STAU2: variants seen among roughly 807,000 people sequenced by gnomAD.
STAU2 encodes the protein staufen double-stranded RNA binding protein 2, also known as double-stranded RNA-binding protein Staufen homolog 2.
STAU2 carries 20 observed loss-of-function variants against 65.9 expected under a neutral mutation model. The observed-to-expected ratio is 0.30, with a 90% CI of 0.21 to 0.44. The LOEUF (loss-of-function observed/expected upper bound fraction) is 0.44, where lower values mean the gene tolerates loss of function less well. Ranked by LOEUF, STAU2 falls within the 20% of genes least tolerant of loss-of-function variation. The pLI, the probability that STAU2 is intolerant of heterozygous loss-of-function variation, is 1.00. For missense variants in STAU2, 558 were observed against 683.9 expected, an observed-to-expected ratio of 0.82 and a Z score of 2.05; for synonymous variants, 232 against 233.9, an observed-to-expected ratio of 0.99 and a Z score of 0.07.
At position 73,493,061 on chromosome 8, in the gene STAU2, G is replaced by A. The variant is rs565557555; in HGVS notation, c.1530+58951C>T. On this transcript the variant is annotated intron_variant, in intron 13 of 14. Transcript: ENST00000524300. ...AAAAATGCCAAGGAAATCCATTTAT[G>A]TCAGAATAACTGAATATCCATGTGG... Among the ~76,000 whole-genome samples the A allele has an allele frequency of 5.9e-5, 9 of 151,980 alleles. No individual in the cohort carries two copies. The East Asian group carries it at 1.7e-3, about 29-fold the overall frequency.
intron 13 of STAU2, among the ~76,000 whole-genome samples, chr8:73,539,708 T>C (rs1412607316): frequency 6.6e-6 from 1 of 152,054 alleles, no homozygotes. Context: ...CCAGGTGTTA[T>C]GGTGGGTGCC....
intron 13 of STAU2, among the ~76,000 whole-genome samples, chr8:73,536,517 T>G (rs1486350569): frequency 6.6e-6 from 1 of 152,164 alleles, no homozygotes; most frequent in African/African-American, 2.4e-5. Flanking sequence ...AGCCTACACT[T>G]TCACCTTACC....
In STAU2 at chr8:73,495,662, A is replaced by AATAAATAT. The variant is rs1219527730; in HGVS notation, c.1530+56349_1530+56350insATATTTAT. 3.8e-4 allele frequency among the ~76,000 whole-genome samples: 51 copies of AATAAATAT among 132,506 alleles called. 1 individual carries two copies. The highest frequency in any genetic ancestry group is 6.9e-4 in the Non-Finnish European group (44 of 63,546). The allele number at this position is 132,506 out of a possible 152,430, so 86.9% of individuals were successfully genotyped here. A position where few individuals can be genotyped will look rare whatever the true frequency, so the allele number is the denominator to read the frequency against. On this transcript the variant is annotated intron_variant, in intron 13 of 14. Transcript: ENST00000524300. ...CTCTAAGGAATGATTCATAAAGCCA[A>AATAAATAT]ATATATATATATATATATATATATA...
intron 6 of STAU2, among the ~76,000 whole-genome samples, chr8:73,654,744 T>C (rs1321510329): frequency 7.9e-6 from 1 of 127,072 alleles, no homozygotes; most frequent in Non-Finnish European, 1.6e-5. Flanking sequence ...TGGAGTGCAG[T>C]GGCACGATCT....
At chr8:73,671,257 C>G (rs1040549133) in intron 6 of STAU2, among the ~76,000 whole-genome samples, 9 of 151,862 alleles carry the variant, frequency 5.9e-5, no homozygotes, top group Admixed American at 2.0e-4. Flanking sequence ...ATGGTAAAAC[C>G]CTGTTTCTAC....
At chr8:73,526,662 A>C (rs1040978835) in intron 13 of STAU2, among the ~76,000 whole-genome samples, 1 of 152,206 alleles carries the variant, frequency 6.6e-6, no homozygotes, top group Non-Finnish European at 1.5e-5. Context: ...TCATACAGAA[A>C]ACATGTATGT....
chr8:73,696,626 C>T (rs1398676562), intron 4 of STAU2, among the ~76,000 whole-genome samples: 1 of 152,002 alleles, frequency 6.6e-6, no homozygotes, highest in Non-Finnish European at 1.5e-5. Context: ...CTCTTAACAA[C>T]AGAAATGATT....
At chr8:73,530,445 G>GC (rs1563404386) in intron 13 of STAU2, among the ~76,000 whole-genome samples, 3 of 151,964 alleles carry the variant, frequency 2.0e-5, no homozygotes, top group Admixed American at 2.0e-4. Context: ...AGTACAACAG[G>GC]AGGGAATCAT....
chr8:73,641,615 C>T (rs187847994), intron 6 of STAU2, among the ~76,000 whole-genome samples: 2 of 152,258 alleles, frequency 1.3e-5, no homozygotes, highest in East Asian at 1.9e-4. Context: ...AGAAATGCTA[C>T]ACATTATATA....
chr8:73,693,781 A>G (rs916600183), intron 4 of STAU2, among the ~76,000 whole-genome samples: 1 of 152,250 alleles, frequency 6.6e-6, no homozygotes, highest in Non-Finnish European at 1.5e-5. Flanking sequence ...TATGTACAAC[A>G]CTGGGAAGTT....
At chr8:73,447,737 C>G (rs1441374367) in intron 13 of STAU2, among the ~76,000 whole-genome samples, 1 of 152,182 alleles carries the variant, frequency 6.6e-6, no homozygotes, top group African/African-American at 2.4e-5. Flanking sequence ...CAGGGCGCCT[C>G]CCACCTGTAC....
intron 6 of STAU2, among the ~76,000 whole-genome samples, chr8:73,641,659 A>T (rs917106926): frequency 6.6e-6 from 1 of 152,224 alleles, no homozygotes; most frequent in Admixed American, 6.5e-5. Context: ...ACTTAAGCAG[A>T]TCATAAATTC....
At chr8:73,718,507 T>C (rs1821413776) in intron 3 of STAU2, among the ~76,000 whole-genome samples, 2 of 152,196 alleles carry the variant, frequency 1.3e-5, no homozygotes, top group East Asian at 1.9e-4. Context: ...AAGCAGAGCA[T>C]TGTCTTGTTT....
At chr8:73,442,713 A>G (rs1228848714) in intron 13 of STAU2, among the ~76,000 whole-genome samples, 2 of 152,228 alleles carry the variant, frequency 1.3e-5, no homozygotes, top group Non-Finnish European at 2.9e-5. Context: ...GCTGCAAATG[A>G]ACTTGTAAGG....
intron 3 of STAU2, among the ~76,000 whole-genome samples, chr8:73,733,856 T>C (rs1806241177): frequency 6.6e-6 from 1 of 152,196 alleles, no homozygotes; most frequent in African/African-American, 2.4e-5. Flanking sequence ...TTGGGAGCTA[T>C]ACACCAAATA....
chr8:73,555,072 G>A (rs145648626), intron 12 of STAU2, among the ~76,000 whole-genome samples: 1 of 152,192 alleles, frequency 6.6e-6, no homozygotes, highest in Admixed American at 6.5e-5. Flanking sequence ...CAGTCTATCA[G>A]GAGAGGAACG....
intron 4 of STAU2, among the ~76,000 whole-genome samples, chr8:73,708,423 T>C (rs1223859739): frequency 6.6e-6 from 1 of 152,330 alleles, no homozygotes; most frequent in East Asian, 1.9e-4. Context: ...GCATTAGTTG[T>C]AGATTTGTAA....
At position 73,436,568 on chromosome 8, in the gene STAU2, T is replaced by TTTATTTA. The variant is rs1554589594; in HGVS notation, c.1531-13867_1531-13866insTAAATAA. The stretch of plus-strand genomic sequence containing the variant: ...ATGAATTATCAGTATTTTGCCAATT[T>TTTATTTA]TTTATTTATTTATTTATTTATTTAT... On this transcript the variant is annotated intron_variant, in intron 13 of 14. Transcript: ENST00000524300. Among the ~76,000 whole-genome samples the TTTATTTA allele has an allele frequency of 6.4e-4, 90 of 141,468 alleles. 1 individual carries two copies. The highest frequency in any genetic ancestry group is 2.1e-3 in the African/African-American group (80 of 37,290). The allele number at this position is 141,468 out of a possible 152,430, so 92.8% of individuals were successfully genotyped here.
At position 73,680,594 on chromosome 8, in the gene STAU2, G is replaced by A. The variant is rs1000139820; in HGVS notation, c.275-7352C>T. On this transcript the variant is annotated intron_variant, in intron 5 of 14. Transcript: ENST00000524300. ...CAAAAGATCACACTAGTTCACCAGC[G>A]ATGGATCCAAACCAGGAAGAAATAT... is the stretch of plus-strand genomic sequence containing the variant. 2.0e-5 allele frequency among the ~76,000 whole-genome samples: 3 copies of A among 152,062 alleles called. 1 individual carries two copies. The highest frequency in any genetic ancestry group is 4.4e-5 in the Non-Finnish European group (3 of 68,002).
Sources: allele counts gnomAD v4.1 joint callset (sites outside exome capture counted in the v4.1 genomes callset), GRCh38; gene constraint gnomAD v4.1.1; transcripts MANE v1.5; gene names NCBI Gene and HGNC (gene_info 2026-07-23, HGNC 2026-07-21).